PLCH1: variants seen among roughly 807,000 people sequenced by gnomAD.
PLCH1 encodes the protein phospholipase C eta 1.
In PLCH1, 60 loss-of-function variants were observed where a neutral mutation model predicts 126.7. The observed-to-expected ratio is 0.47, with a 90% CI of 0.38 to 0.59. The LOEUF (loss-of-function observed/expected upper bound fraction) is 0.59, where lower values mean the gene tolerates loss of function less well. Ranked by LOEUF, PLCH1 falls within the 20% of genes least tolerant of loss-of-function variation. The pLI is 0.00. For synonymous variants in PLCH1, 719 were observed against 734.9 expected (o/e 0.98, Z 0.35); for missense variants, 1,723 against 2,040.0 (o/e 0.84, Z 2.99).
chr3:155,642,870 C>T (rs1739570246), intron 2 of PLCH1, among the ~76,000 whole-genome samples: 2 of 152,158 alleles, frequency 1.3e-5, no homozygotes, highest in Admixed American at 6.6e-5. Context: ...TGGAGTATGA[C>T]AAAAGTGACA....
At chr3:155,651,304 T>C (rs1740686866) in intron 2 of PLCH1, among the ~76,000 whole-genome samples, 1 of 152,226 alleles carries the variant, frequency 6.6e-6, no homozygotes, top group Admixed American at 6.5e-5. Context: ...AACTTAAATG[T>C]CCATCAGAAC....
At chr3:155,621,681 A>G (rs1736529456) in intron 2 of PLCH1, among the ~76,000 whole-genome samples, 1 of 152,202 alleles carries the variant, frequency 6.6e-6, no homozygotes, top group Non-Finnish European at 1.5e-5. Context: ...GATCAACTCA[A>G]TGAAATAAAG....
intron 2 of PLCH1, among the ~76,000 whole-genome samples, chr3:155,597,663 T>C (rs781370105): frequency 6.6e-6 from 1 of 152,130 alleles, no homozygotes; most frequent in Non-Finnish European, 1.5e-5. Context: ...GGAAAGATAA[T>C]CTCATCCAAC....
intron 2 of PLCH1, among the ~76,000 whole-genome samples, chr3:155,664,335 A>G (rs1366195877): frequency 6.6e-6 from 1 of 152,204 alleles, no homozygotes; most frequent in East Asian, 1.9e-4. Flanking sequence ...AGAGATTTCA[A>G]CCCTTCGGTC....
At chr3:155,736,895 T>G (rs994577142) in intron 1 of PLCH1, among the ~76,000 whole-genome samples, 16 of 152,222 alleles carry the variant, frequency 1.1e-4, no homozygotes, top group African/African-American at 3.9e-4. Context: ...TTTCTTTCAT[T>G]TTATGTATTA....
chr3:155,482,717 A>G lies in PLCH1; in HGVS notation c.3309T>C (p.Gly1103=), dbSNP rs764320592. The G allele has an allele frequency of 1.2e-6, 2 of 1,614,144 alleles. No individual in the cohort carries two copies. Among genetic ancestry groups the G allele is most frequent in the Non-Finnish European group, 1.7e-6 (2 of 1,180,026 alleles). ...DLHGVKIKEK[G]NPEDFVEGKS... is the part of the protein sequence containing the mutation. ...TCCCTTCCACAAAGTCCTCAGGATT[A>G]CCCTTTTCCTTGATTTTCACACCAT... Residue 1103 remains glycine (G), a synonymous_variant, in exon 23 of 23, where the codon GGT becomes GGC. Coordinates refer to ENST00000460012, the MANE Select transcript of PLCH1 (RefSeq NM_014996.4).
At chr3:155,576,543 T>C (rs947825101) in intron 6 of PLCH1, among the ~76,000 whole-genome samples, 2 of 152,204 alleles carry the variant, frequency 1.3e-5, no homozygotes, top group African/African-American at 4.8e-5. Flanking sequence ...CAGGCCAATA[T>C]TTGATTTCAT....
chr3:155,676,503 C>T (rs930735190), intron 2 of PLCH1: 5 of 530,252 alleles, frequency 9.4e-6, no homozygotes, highest in Admixed American at 6.4e-5. Flanking sequence ...CACTGATTAC[C>T]GTGGGAGTGA....
intron 8 of PLCH1, among the ~76,000 whole-genome samples, chr3:155,555,704 T>C (rs754719234): frequency 6.6e-6 from 1 of 152,140 alleles, no homozygotes; most frequent in African/African-American, 2.4e-5. Context: ...CCCACCTCCA[T>C]GTGTCTTTTC....
At chr3:155,532,741 G>A (rs1386009711) in intron 10 of PLCH1, among the ~76,000 whole-genome samples, 1 of 152,164 alleles carries the variant, frequency 6.6e-6, no homozygotes, top group African/African-American at 2.4e-5. Flanking sequence ...CTAAGCCTGA[G>A]AAACTGTGAG....
intron 6 of PLCH1, among the ~76,000 whole-genome samples, chr3:155,579,293 C>T (rs1730368072): frequency 6.6e-6 from 1 of 152,194 alleles, no homozygotes; most frequent in Admixed American, 6.5e-5. Flanking sequence ...CGGATACTTG[C>T]CCACTAGGAA....
downstream of PLCH1, among the ~76,000 whole-genome samples, chr3:155,475,824 A>C (rs181310261): frequency 4.9e-3 from 740 of 152,232 alleles, 11 homozygotes; most frequent in Non-Finnish European, 4.8e-3. Flanking sequence ...GTAATAAAAA[A>C]GTCTCTCAGT....
intron 12 of PLCH1, among the ~76,000 whole-genome samples, chr3:155,512,100 G>C (rs1219949516): frequency 6.6e-6 from 1 of 150,376 alleles, no homozygotes; most frequent in African/African-American, 2.5e-5. Context: ...ATTCAGGTGG[G>C]AGTGACCCGA....
At chr3:155,538,068 T>A (rs1194007015) in intron 10 of PLCH1, among the ~76,000 whole-genome samples, 1 of 152,020 alleles carries the variant, frequency 6.6e-6, no homozygotes, top group Admixed American at 6.5e-5. Context: ...CACGGTGGAA[T>A]AAAATTGGAA....
chr3:155,533,771 C>T (rs1033228950), intron 10 of PLCH1, among the ~76,000 whole-genome samples: 1 of 152,244 alleles, frequency 6.6e-6, no homozygotes, highest in Non-Finnish European at 1.5e-5. Context: ...CCTGCTACTG[C>T]TCTGTGCAGC....
chr3:155,531,126 C>T (rs1008508552), intron 10 of PLCH1, among the ~76,000 whole-genome samples: 3 of 152,082 alleles, frequency 2.0e-5, no homozygotes, highest in African/African-American at 7.2e-5. Flanking sequence ...ACAGTGCAGG[C>T]AGAGTAGATT....
intron 2 of PLCH1, among the ~76,000 whole-genome samples, chr3:155,661,477 T>C (rs1742135148): frequency 6.6e-6 from 1 of 152,114 alleles, no homozygotes. Context: ...ATTGCTAGCA[T>C]CCCATCCCCC....
downstream of PLCH1, among the ~76,000 whole-genome samples, chr3:155,478,017 A>G (rs1713617109): frequency 6.6e-6 from 1 of 152,130 alleles, no homozygotes; most frequent in Non-Finnish European, 1.5e-5. Context: ...CAATAGATGA[A>G]TGGATAAAGA....
chr3:155,508,516 T>A (rs1404789044), intron 12 of PLCH1, among the ~76,000 whole-genome samples: 1 of 127,248 alleles, frequency 7.9e-6, no homozygotes, highest in South Asian at 2.9e-4. Context: ...CTTATTATTT[T>A]GAAATACGTC....
Sources: gnomAD v4.1 joint callset for allele counts (sites outside exome capture counted in the v4.1 genomes callset) on GRCh38, gnomAD v4.1.1 for gene constraint, MANE v1.5 for transcripts, NCBI Gene and HGNC (gene_info 2026-07-23, HGNC 2026-07-21) for gene names.